ARHGAP31: variants seen among roughly 807,000 people sequenced by gnomAD.
ARHGAP31 encodes the protein Rho GTPase activating protein 31.
ARHGAP31 carries 34 observed loss-of-function variants against 113.9 expected under a neutral mutation model. That is an observed-to-expected ratio of 0.30 (90% CI 0.23 to 0.40). The LOEUF (loss-of-function observed/expected upper bound fraction) is 0.40. ARHGAP31 is among the 10% of genes least tolerant of loss of function. The pLI, the probability that ARHGAP31 is intolerant of heterozygous loss-of-function variation, is 1.00. For missense variants in ARHGAP31, 1,548 were observed against 1,767.1 expected (o/e 0.88, Z 2.22); for synonymous variants, 650 against 684.8 (o/e 0.95, Z 0.79).
At position 119,393,571 on chromosome 3, in the gene ARHGAP31, T is replaced by C. The variant is rs776510530; in HGVS notation, c.986T>C (p.Val329Ala). Residue 329 changes from valine to alanine, a missense_variant, in exon 8 of 12, where the codon GTG becomes GCG. Physicochemically the swap from Val to Ala is moderately conservative, Grantham distance 64. Transcript: ENST00000264245. ...CTGAGTAGAAATGGGAGTGTATTTG[T>C]GAGAGGACAGAGGCTCTCGGGTAAG... The part of the protein sequence containing the change: ...SKLSRNGSVF[V>A]RGQRLSVEKA... 2 of 1,614,182 alleles carry C rather than the reference T, an allele frequency of 1.2e-6. No individual in the cohort carries two copies. Among genetic ancestry groups the C allele is most frequent in the East Asian group, 2.2e-5 (1 of 44,876 alleles).
At chr3:119,387,447 A>C (rs1346080594) in intron 6 of ARHGAP31, among the ~76,000 whole-genome samples, 1 of 152,218 alleles carries the variant, frequency 6.6e-6, no homozygotes, top group Non-Finnish European at 1.5e-5. Context: ...TCTAAGATCT[A>C]TATCTGGTAT....
At chr3:119,343,626 T>C (rs1167462652) in intron 1 of ARHGAP31, among the ~76,000 whole-genome samples, 1 of 152,092 alleles carries the variant, frequency 6.6e-6, no homozygotes, top group East Asian at 1.9e-4. Context: ...ATGTGGCTGG[T>C]AGTCAAGGAG....
chr3:119,342,960 A>G (rs1217527961), intron 1 of ARHGAP31, among the ~76,000 whole-genome samples: 1 of 152,180 alleles, frequency 6.6e-6, no homozygotes, highest in African/African-American at 2.4e-5. Context: ...AAAAAAAAAA[A>G]ATAAAAAAGG....
rs761402953 is a variant in ARHGAP31 at position 119,390,754 on chromosome 3, C to T, written c.683-31C>T. The T allele has an allele frequency of 6.5e-5, 105 of 1,606,988 alleles. 1 individual carries two copies. Among genetic ancestry groups the T allele is most frequent in the Non-Finnish European group, 8.2e-5 (97 of 1,177,038 alleles). ...GATGGATGTGATGGGCAGGCCTCCT[C>T]CAACACTGAGCTCTTCCATTGCCTT... On this transcript the variant is annotated intron_variant, in intron 6 of 11. Transcript: ENST00000264245.
chr3:119,330,025 T>C (rs11921860), intron 1 of ARHGAP31: 1 of 984,908 alleles, frequency 1.0e-6, no homozygotes. Context: ...ATTTGCCAGT[T>C]GCTTCATAAA....
intron 6 of ARHGAP31, among the ~76,000 whole-genome samples, chr3:119,384,353 C>T (rs528120522): frequency 1.3e-4 from 20 of 152,262 alleles, no homozygotes; most frequent in South Asian, 2.1e-4. Flanking sequence ...CAACCATTAC[C>T]GCTGTCTAAT....
chr3:119,386,767 C>T (rs1015493348), intron 6 of ARHGAP31, among the ~76,000 whole-genome samples: 5 of 152,242 alleles, frequency 3.3e-5, no homozygotes, highest in Non-Finnish European at 5.9e-5. Flanking sequence ...TCACCTCCAA[C>T]GATAGGTAAG....
intron 1 of ARHGAP31, among the ~76,000 whole-genome samples, chr3:119,303,987 G>C (rs776233188): frequency 6.6e-6 from 1 of 151,916 alleles, no homozygotes; most frequent in Non-Finnish European, 1.5e-5. Flanking sequence ...ATAGAGACAC[G>C]GTTTCACTAT....
chr3:119,360,514 G>C (rs1386369549), intron 1 of ARHGAP31, among the ~76,000 whole-genome samples: 3 of 152,216 alleles, frequency 2.0e-5, no homozygotes, highest in Non-Finnish European at 4.4e-5. Context: ...AACTGAGGCA[G>C]CTTAGCAGTG....
intron 1 of ARHGAP31, among the ~76,000 whole-genome samples, chr3:119,343,255 G>C (rs1191132707): frequency 6.6e-6 from 1 of 152,172 alleles, no homozygotes; most frequent in African/African-American, 2.4e-5. Context: ...GGTTAAGAGT[G>C]GGGTTGGGAG....
intron 1 of ARHGAP31, among the ~76,000 whole-genome samples, chr3:119,356,938 A>G (rs1042051793): frequency 6.6e-6 from 1 of 152,256 alleles, no homozygotes; most frequent in African/African-American, 2.4e-5. Flanking sequence ...GTCAAAAGCT[A>G]TGTGCACTTA....
intron 1 of ARHGAP31, among the ~76,000 whole-genome samples, chr3:119,341,417 A>C (rs1158730339): frequency 6.6e-6 from 1 of 152,222 alleles, no homozygotes; most frequent in African/African-American, 2.4e-5. Flanking sequence ...AGGTTAACTC[A>C]TTTAATCTGC....
rs1181350395 is a variant in ARHGAP31, at chr3:119,390,799, A to G, written c.697A>G (p.Met233Val). 7 of 1,612,530 alleles carry G rather than the reference A, an allele frequency of 4.3e-6. No individual in the cohort carries two copies. In the African/African-American group the frequency reaches 8.0e-5, roughly 18 times the overall value. Residue 233 changes from methionine (M) to valine (V), a missense_variant, in exon 7 of 12, where the codon ATG becomes GTG. By Grantham distance (21) the Met-to-Val change is conservative (BLOSUM62 1). Transcript: ENST00000264245. ...TGCCTTTACAGAAAACCGGCCCATC[A>G]TGAAGAGCCTGACCTTGCCAGCCCT... is the stretch of plus-strand genomic sequence containing the variant. Reference protein sequence around the residue: ...SLENDENRPIMKSLTLPALSL... With the variant: ...SLENDENRPIVKSLTLPALSL...
intron 6 of ARHGAP31, among the ~76,000 whole-genome samples, chr3:119,388,307 T>TACACA (rs59845208): frequency 8.9e-4 from 118 of 132,818 alleles, no homozygotes; most frequent in African/African-American, 2.9e-3. Context: ...ATGTATAATT[T>TACACA]TTATATATAT....
intron 1 of ARHGAP31, among the ~76,000 whole-genome samples, chr3:119,353,439 A>G (rs2080128447): frequency 6.6e-6 from 1 of 152,218 alleles, no homozygotes; most frequent in Non-Finnish European, 1.5e-5. Flanking sequence ...TTCTTCATTT[A>G]CAAAACAGAG....
chr3:119,384,259 AT>A (rs1281132372), intron 6 of ARHGAP31, among the ~76,000 whole-genome samples: 1 of 152,236 alleles, frequency 6.6e-6, no homozygotes, highest in East Asian at 1.9e-4. Flanking sequence ...CATTTAAAAA[AT>A]TATTTTATCT....
intron 1 of ARHGAP31, 110 bp from the exon 2 acceptor site, chr3:119,365,206 T>C: frequency 1.2e-6 from 1 of 846,958 alleles, no homozygotes; most frequent in Non-Finnish European, 1.9e-6. Flanking sequence ...GTCATATGAG[T>C]TCCATACTTA....
chr3:119,381,456 T>G (rs73857020), intron 4 of ARHGAP31, among the ~76,000 whole-genome samples: 4,613 of 152,282 alleles, frequency 0.03, 230 homozygotes, highest in African/African-American at 0.099. Flanking sequence ...TGTTGCCACC[T>G]TTCCCAGTGT....
intron 4 of ARHGAP31, among the ~76,000 whole-genome samples, chr3:119,381,713 T>A (rs551575666): frequency 3.8e-4 from 58 of 152,144 alleles, no homozygotes; most frequent in Non-Finnish European, 7.4e-4. Context: ...AGGCGGCCTG[T>A]GTGGTGGCTC....
Sources: gnomAD v4.1 joint callset for allele counts (sites outside exome capture counted in the v4.1 genomes callset) on GRCh38, gnomAD v4.1.1 for gene constraint, MANE v1.5 for transcripts, NCBI Gene and HGNC (gene_info 2026-07-23, HGNC 2026-07-21) for gene names.